The following LAMC3 variants were observed in gnomAD, a reference collection of about 807,000 sequenced individuals.
The protein encoded by LAMC3 is laminin subunit gamma-3.
LAMC3 carries 128 observed loss-of-function variants against 173.8 expected under a neutral mutation model. The ratio of observed to expected loss-of-function variants is 0.74; its 90% CI spans 0.64 to 0.85. LAMC3 has a LOEUF of 0.85. Ranked by LOEUF, LAMC3 falls within the 40% of genes least tolerant of loss-of-function variation. The pLI is 0.00. For missense variants in LAMC3, 2,022 were observed against 2,156.0 expected, an observed-to-expected ratio of 0.94 and a Z score of 1.23; for synonymous variants, 897 against 909.1, an observed-to-expected ratio of 0.99 and a Z score of 0.24.
chr9:131,053,493 A>C (rs1483333243), intron 11 of LAMC3, among the ~76,000 whole-genome samples: 11 of 152,228 alleles, frequency 7.2e-5, no homozygotes, highest in Admixed American at 7.2e-4. Context: ...TGACAGCCTT[A>C]GCCTCTGATC....
chr9:131,080,692 C>T (rs973803919), intron 23 of LAMC3, among the ~76,000 whole-genome samples: 7 of 152,088 alleles, frequency 4.6e-5, no homozygotes, highest in Non-Finnish European at 7.4e-5. Context: ...GCTTTGCCCC[C>T]GGGGTAGCAC....
At position 131,079,466 on chromosome 9, in the gene LAMC3, G is replaced by A. The variant is rs2003297; in HGVS notation, c.3927+168G>A. Among the ~76,000 whole-genome samples the A allele has an allele frequency of 0.047, 7,228 of 152,220 alleles. 231 individuals carry two copies. The highest frequency in any genetic ancestry group is 0.14 in the East Asian group (703 of 5,154). ...TCCCACCACTTTGGGAGGCCGAGAC[G>A]GGTGGATCACGAGGTCAGGAGATTG... On this transcript the variant is annotated intron_variant, in intron 23 of 27. Coordinates refer to ENST00000361069, the MANE Select transcript of LAMC3 (RefSeq NM_006059.4).
At chr9:131,090,976 G>A (rs947098399) in intron 27 of LAMC3, among the ~76,000 whole-genome samples, 3 of 152,206 alleles carry the variant, frequency 2.0e-5, no homozygotes, top group African/African-American at 4.8e-5. Context: ...AGCTGAGATC[G>A]TACCACTGCA....
chr9:131,045,221 CA>C lies in LAMC3; in HGVS notation c.1383-288del, dbSNP rs58637956. Among the ~76,000 whole-genome samples the C allele has an allele frequency of 0.064, 7,101 of 111,820 alleles. 292 individuals are homozygous for C. The highest frequency in any genetic ancestry group is 0.13 in the African/African-American group (4,089 of 31,888). 73.4% of individuals were successfully genotyped at this position (111,820 alleles called of 152,430 possible). A position where few individuals can be genotyped will look rare whatever the true frequency, so the allele number is the denominator to read the frequency against. ...TGGGCCACAGAACAAGACTCTGTCT[CA>C]AAAAAAAAAAAAAACAACAACAACA... is the stretch of plus-strand genomic sequence containing the variant. On this transcript the variant is annotated intron_variant, in intron 7 of 27. Transcript: ENST00000361069.
chr9:131,034,945 T>TTTATTG (rs1833914619), intron 3 of LAMC3, among the ~76,000 whole-genome samples: 1 of 138,096 alleles, frequency 7.2e-6, no homozygotes, highest in Admixed American at 8.2e-5. Flanking sequence ...GATGATTATT[T>TTTATTG]ATTTATTTAT....
In LAMC3 at chr9:131,045,539, C is replaced by A. The variant is rs374312270; in HGVS notation, c.1398C>A (p.Thr466=). ...TCCATTTCAGATGTCGCCCGGGGAC[C>A]TTTAACCTGCAGCCCCACAATCCAG... ...GNLCDRCRPG[T]FNLQPHNPAG... The change falls in exon 8 of 28, where the codon ACC becomes ACA. Residue 466 remains threonine, a synonymous_variant. Transcript: ENST00000361069. 1.9e-6 allele frequency: 3 copies of A among 1,613,742 alleles called. No homozygotes were observed. The highest frequency in any genetic ancestry group is 2.7e-5 in the African/African-American group (2 of 74,932).
At chr9:131,081,620 C>T (rs930918656) in intron 23 of LAMC3, among the ~76,000 whole-genome samples, 7 of 152,108 alleles carry the variant, frequency 4.6e-5, no homozygotes, top group Non-Finnish European at 8.8e-5. Context: ...TGCAGGCATG[C>T]ACCACCACAC....
intron 22 of LAMC3, 122 bp downstream of exon 22, chr9:131,077,456 C>G (rs1830151253): frequency 8.0e-7 from 1 of 1,252,518 alleles, no homozygotes; most frequent in African/African-American, 1.5e-5. Context: ...GCGGGTGGAT[C>G]ACCTGAGGTC....
chr9:131,070,442 G>T (rs1830020396), intron 17 of LAMC3, among the ~76,000 whole-genome samples: 1 of 152,256 alleles, frequency 6.6e-6, no homozygotes, highest in African/African-American at 2.4e-5. Context: ...GCCGGGTGCT[G>T]TGGCTCACGC....
Position 131,009,376 on chromosome 9 carries a change from C to G in LAMC3, c.162C>G (p.Cys54Trp), listed in dbSNP as rs888508924. ...GGCTCGCCCAGGCCTCGCACACGTGCGGCAGCCCGCCCGAGGACTTCTGTC... is the reference window on the plus strand; with the variant it reads ...GGCTCGCCCAGGCCTCGCACACGTGGGGCAGCCCGCCCGAGGACTTCTGTC... ...FGRLAQASHT[C>W]GSPPEDFCPH... is the part of the protein sequence containing the mutation. The change falls in exon 1 of 28, where the codon TGC becomes TGG. Residue 54 changes from cysteine to tryptophan, a missense_variant. Physicochemically the swap from Cys to Trp is radical, Grantham distance 215. Transcript: ENST00000361069. The surrounding 1 kb of genome is among the most constrained non-coding windows in gnomAD (Gnocchi z 4.3). The G allele has an allele frequency of 2.0e-6, 3 of 1,526,458 alleles. No homozygotes were observed. In the South Asian group the frequency reaches 3.6e-5, roughly 18 times the overall value. The allele number at this position is 1,526,458 out of a possible 1,614,324, so 94.6% of individuals were successfully genotyped here. A position where few individuals can be genotyped will look rare whatever the true frequency, so the allele number is the denominator to read the frequency against.
intron 24 of LAMC3, among the ~76,000 whole-genome samples, chr9:131,082,550 T>A (rs1265284727): frequency 6.6e-6 from 1 of 151,860 alleles, no homozygotes; most frequent in African/African-American, 2.4e-5. Context: ...GCAGATGGAG[T>A]TTCTCTTTAG....
At chr9:131,049,331 T>G (rs992615364) in intron 9 of LAMC3, among the ~76,000 whole-genome samples, 2 of 152,136 alleles carry the variant, frequency 1.3e-5, no homozygotes, top group African/African-American at 4.8e-5. Context: ...GAAAGTCCCT[T>G]CCTTGCCTTT....
rs575397450 is a variant in LAMC3, at chr9:131,039,186, G to A, written c.1221G>A (p.Val407=). 204 of 1,610,078 alleles carry A rather than the reference G, an allele frequency of 1.3e-4. 1 individual carries two copies. The South Asian group carries it at 1.3e-3, about 10-fold the overall frequency. Residue 407 remains valine (V), a synonymous_variant, in exon 6 of 28, where the codon GTG becomes GTA. Transcript: ENST00000361069. The part of the protein sequence containing the change: ...DTGTCACKPT[V]TGWKCDRCLP... ...GCACCTGCGCCTGCAAGCCCACGGTGACTGGCTGGAAGTGTGACCGCTGTC... is the reference window on the plus strand; with the variant it reads ...GCACCTGCGCCTGCAAGCCCACGGTAACTGGCTGGAAGTGTGACCGCTGTC...
At chr9:131,034,895 C>A (rs1833913183) in intron 3 of LAMC3, among the ~76,000 whole-genome samples, 1 of 152,208 alleles carries the variant, frequency 6.6e-6, no homozygotes, top group South Asian at 2.1e-4. Flanking sequence ...CTCTCAAAGA[C>A]CCCGTATTTG....
At chr9:131,032,991 T>C (rs904104615) in intron 3 of LAMC3, among the ~76,000 whole-genome samples, 1 of 152,222 alleles carries the variant, frequency 6.6e-6, no homozygotes, top group Non-Finnish European at 1.5e-5. Context: ...GGGGTGTTAC[T>C]GGCCTAGAGA....
chr9:131,047,608 C>T (rs137904686), intron 8 of LAMC3, among the ~76,000 whole-genome samples: 27,683 of 147,586 alleles, frequency 0.19, 3,107 homozygotes, highest in Admixed American at 0.27. Flanking sequence ...TCCCAGCACT[C>T]TGGGAGGCCG....
In LAMC3 at chr9:131,052,835, C is replaced by G. The variant is rs547608545; in HGVS notation, c.1824-15C>G. ...CCCTATGTCGGGATCTCACTTTGAC[C>G]GCTTCTCTCGCCAGCCTGCAGGAGA... On this transcript the variant is annotated splice_polypyrimidine_tract_variant and intron_variant, in intron 10 of 27. Coordinates refer to ENST00000361069, the MANE Select transcript of LAMC3 (RefSeq NM_006059.4). 25 of 1,573,592 alleles carry G rather than the reference C, an allele frequency of 1.6e-5. No individual in the cohort carries two copies. The East Asian group carries it at 5.6e-4, about 35-fold the overall frequency.
At chr9:131,084,938 CA>C (rs35487130) in intron 24 of LAMC3, among the ~76,000 whole-genome samples, 88,940 of 123,672 alleles carry the variant, frequency 0.72, 30,049 homozygotes, top group African/African-American at 0.76. Flanking sequence ...GACCTTGTCT[CA>C]AAAAAAAAAA....
intron 27 of LAMC3, among the ~76,000 whole-genome samples, chr9:131,088,868 G>C (rs1830373936): frequency 6.6e-6 from 1 of 151,902 alleles, no homozygotes; most frequent in African/African-American, 2.4e-5. Context: ...GATCATTTGA[G>C]GTCAGGAGTT....
Sources: allele counts gnomAD v4.1 joint callset (sites outside exome capture counted in the v4.1 genomes callset), GRCh38; gene constraint gnomAD v4.1.1; non-coding constraint Gnocchi (gnomAD v3.1); transcripts MANE v1.5; gene names NCBI Gene and HGNC (gene_info 2026-07-23, HGNC 2026-07-21).